Variants in TMEM135 observed in about 807,000 individuals in gnomAD.
The protein encoded by TMEM135 is peroxisomal membrane protein 52.
TMEM135 carries 30 observed loss-of-function variants against 60.3 expected under a neutral mutation model. The ratio of observed to expected loss-of-function variants is 0.50; its 90% CI spans 0.37 to 0.68. The LOEUF is 0.68. Ranked by LOEUF, TMEM135 falls within the 30% of genes least tolerant of loss-of-function variation. The pLI, the probability that TMEM135 is intolerant of heterozygous loss-of-function variation, is 0.00. For missense variants in TMEM135, 468 were observed against 548.8 expected, an observed-to-expected ratio of 0.85 and a Z score of 1.47; for synonymous variants, 190 against 186.7, an observed-to-expected ratio of 1.02 and a Z score of -0.14.
chr11:87,206,031 C>A (rs1940226806), intron 5 of TMEM135, among the ~76,000 whole-genome samples: 1 of 152,194 alleles, frequency 6.6e-6, no homozygotes. Flanking sequence ...TAGGTCTCAT[C>A]TGGTCTATCT....
At chr11:87,047,385 T>C (rs972818681) in intron 1 of TMEM135, among the ~76,000 whole-genome samples, 6 of 151,710 alleles carry the variant, frequency 4.0e-5, no homozygotes, top group Admixed American at 3.9e-4. Flanking sequence ...GGGTGATTTC[T>C]GCATTTCCAT....
chr11:87,230,341 C>T (rs1940864519), intron 5 of TMEM135, among the ~76,000 whole-genome samples: 2 of 152,096 alleles, frequency 1.3e-5, no homozygotes, highest in African/African-American at 2.4e-5. Flanking sequence ...AAAGTGAAAA[C>T]AGCAATTTCA....
chr11:87,168,493 T>C (rs1373715593), intron 5 of TMEM135, among the ~76,000 whole-genome samples: 1 of 152,186 alleles, frequency 6.6e-6, no homozygotes, highest in Non-Finnish European at 1.5e-5. Flanking sequence ...CCAGAGATTC[T>C]GGTACGTTGT....
intron 4 of TMEM135, among the ~76,000 whole-genome samples, chr11:87,128,047 C>CT (rs1382585598): frequency 3.3e-5 from 5 of 151,956 alleles, no homozygotes; most frequent in African/African-American, 4.8e-5. Context: ...CTTACTTTGG[C>CT]TTTTTTTGGT....
chr11:87,136,162 T>G (rs1360247471), intron 4 of TMEM135, among the ~76,000 whole-genome samples: 2 of 152,002 alleles, frequency 1.3e-5, no homozygotes, highest in African/African-American at 4.8e-5. Flanking sequence ...ACATGTCATC[T>G]AAGAAAAAGA....
chr11:87,240,798 A>T (rs2135378636), intron 6 of TMEM135, among the ~76,000 whole-genome samples: 1 of 152,260 alleles, frequency 6.6e-6, no homozygotes, highest in East Asian at 1.9e-4. Context: ...TAACTCCTTC[A>T]ATCCCAACCT....
At chr11:87,128,740 T>G (rs1937810646) in intron 4 of TMEM135, among the ~76,000 whole-genome samples, 1 of 152,190 alleles carries the variant, frequency 6.6e-6, no homozygotes, top group Non-Finnish European at 1.5e-5. Context: ...CAACCCATTC[T>G]TTAAGTATAT....
At chr11:87,153,628 A>G (rs1938615758) in intron 4 of TMEM135, among the ~76,000 whole-genome samples, 1 of 152,088 alleles carries the variant, frequency 6.6e-6, no homozygotes, top group African/African-American at 2.4e-5. Flanking sequence ...TTTTCATTGC[A>G]CATATTCACA....
chr11:87,239,346 G>C (rs1941079261), intron 6 of TMEM135, among the ~76,000 whole-genome samples: 1 of 151,964 alleles, frequency 6.6e-6, no homozygotes, highest in African/African-American at 2.4e-5. Context: ...TTGGTAAATG[G>C]TAAAATCAAA....
At chr11:87,101,101 G>A (rs1857447878) in intron 4 of TMEM135, among the ~76,000 whole-genome samples, 1 of 152,114 alleles carries the variant, frequency 6.6e-6, no homozygotes, top group Admixed American at 6.6e-5. Flanking sequence ...TTTAAATGTT[G>A]ATAGTGAATT....
At chr11:87,045,341 T>TA (rs1437595227) in intron 1 of TMEM135, among the ~76,000 whole-genome samples, 2 of 152,120 alleles carry the variant, frequency 1.3e-5, no homozygotes, top group Admixed American at 1.3e-4. Context: ...AAGTTGTTTT[T>TA]ATATGTGAGT....
At chr11:87,200,608 T>C (rs967808443) in intron 5 of TMEM135, among the ~76,000 whole-genome samples, 10 of 152,200 alleles carry the variant, frequency 6.6e-5, no homozygotes, top group African/African-American at 2.2e-4. Context: ...AGACCTTACA[T>C]TGACACATCA....
intron 4 of TMEM135, among the ~76,000 whole-genome samples, chr11:87,134,645 CTTAT>C (rs1257316963): frequency 6.6e-6 from 1 of 152,082 alleles, no homozygotes; most frequent in Admixed American, 6.6e-5. Context: ...CCAGGCCTGG[CTTAT>C]TTATTTATTT....
At chr11:87,084,430 C>G (rs1857054399) in intron 3 of TMEM135, among the ~76,000 whole-genome samples, 1 of 152,016 alleles carries the variant, frequency 6.6e-6, no homozygotes, top group African/African-American at 2.4e-5. Context: ...GCCTCAGTCT[C>G]CCCAGTAGCT....
At chr11:87,260,359 C>G (rs1283721969) in intron 6 of TMEM135, among the ~76,000 whole-genome samples, 2 of 152,080 alleles carry the variant, frequency 1.3e-5, no homozygotes, top group Admixed American at 1.3e-4. Context: ...TTCAGGGATT[C>G]TTATGAAAGA....
At chr11:87,140,071 T>C (rs1249296452) in intron 4 of TMEM135, among the ~76,000 whole-genome samples, 2 of 141,656 alleles carry the variant, frequency 1.4e-5, no homozygotes, top group Non-Finnish European at 3.0e-5. Context: ...TCTTTCTTTC[T>C]TTTTTTTTGT....
chr11:87,223,459 C>T (rs1339056585), intron 5 of TMEM135, among the ~76,000 whole-genome samples: 10 of 152,072 alleles, frequency 6.6e-5, no homozygotes, highest in African/African-American at 2.4e-4. Flanking sequence ...CGTGAGCCAC[C>T]GTGGCCCGGC....
At chr11:87,159,769 T>C (rs1938817174) in intron 5 of TMEM135, among the ~76,000 whole-genome samples, 1 of 152,172 alleles carries the variant, frequency 6.6e-6, no homozygotes, top group Non-Finnish European at 1.5e-5. Context: ...TAGTTTAAGT[T>C]GAGTCTGGAA....
chr11:87,327,678 A>G lies in TMEM135; in HGVS notation c.*6345A>G, dbSNP rs1275425899. ...CCTTGGGATGCTGGTGGTCTGGCTC[A>G]GTACAAGTCCAAAAGCCTTGGAACC... On this transcript the variant is annotated 3_prime_UTR_variant, in exon 15 of 15. Transcript: ENST00000305494. 2 of 454,058 alleles carry G rather than the reference A, an allele frequency of 4.4e-6. No individual in the cohort carries two copies. Among genetic ancestry groups the G allele is most frequent in the Non-Finnish European group, 8.8e-6 (2 of 226,786 alleles). 28.1% of individuals were successfully genotyped at this position (454,058 alleles called of 1,614,324 possible).
Sources: gnomAD v4.1 joint callset for allele counts (sites outside exome capture counted in the v4.1 genomes callset) on GRCh38, gnomAD v4.1.1 for gene constraint, MANE v1.5 for transcripts, NCBI Gene and HGNC (gene_info 2026-07-23, HGNC 2026-07-21) for gene names.